The following GRID2 variants were observed in gnomAD, a reference collection of about 807,000 sequenced individuals.
GRID2 encodes glutamate ionotropic receptor delta type subunit 2.
GRID2 carries 33 observed loss-of-function variants against 114.8 expected under a neutral mutation model. The ratio of observed to expected loss-of-function variants is 0.29; its 90% CI spans 0.22 to 0.38. The LOEUF (loss-of-function observed/expected upper bound fraction) is 0.38, where lower values mean the gene tolerates loss of function less well. Ranked by LOEUF, GRID2 falls within the 10% of genes least tolerant of loss-of-function variation. The probability of loss-of-function intolerance (pLI) is 1.00; values close to 1 mark genes in which losing one functional copy is unlikely to be tolerated. For synonymous variants in GRID2, 505 were observed against 449.9 expected (o/e 1.12, Z -1.55); for missense variants, 1,184 against 1,257.7 (o/e 0.94, Z 0.89).
intron 13 of GRID2, among the ~76,000 whole-genome samples, chr4:93,528,152 C>CTA (rs776519190): frequency 1.2e-4 from 18 of 150,612 alleles, no homozygotes; most frequent in South Asian, 2.1e-4. Flanking sequence ...TATATATATG[C>CTA]TATATATATA....
chr4:92,424,393 G>A (rs946363719), intron 1 of GRID2, among the ~76,000 whole-genome samples: 3 of 151,970 alleles, frequency 2.0e-5, no homozygotes, highest in South Asian at 4.1e-4. Context: ...CCCTGTGATC[G>A]TAGTTGATAT....
intron 15 of GRID2, among the ~76,000 whole-genome samples, chr4:93,771,750 A>G (rs78570239): frequency 0.017 from 2,541 of 152,232 alleles, 77 homozygotes; most frequent in African/African-American, 0.058. Context: ...CATACTTTCT[A>G]TTGTTACAAT....
At chr4:93,294,215 C>T (rs1026036951) in intron 8 of GRID2, among the ~76,000 whole-genome samples, 138 of 150,204 alleles carry the variant, frequency 9.2e-4, no homozygotes, top group African/African-American at 3.0e-3. Context: ...CACAAAAAAA[C>T]GAAAAGATGA....
At chr4:92,360,330 C>T (rs1004335698) in intron 1 of GRID2, among the ~76,000 whole-genome samples, 1 of 151,924 alleles carries the variant, frequency 6.6e-6, no homozygotes, top group African/African-American at 2.4e-5. Flanking sequence ...CCCCACCACT[C>T]CTTGTCCTCT....
chr4:93,070,428 G>T (rs1304103444), intron 2 of GRID2, among the ~76,000 whole-genome samples: 2 of 152,024 alleles, frequency 1.3e-5, no homozygotes, highest in Non-Finnish European at 2.9e-5. Flanking sequence ...GATGGTAAAA[G>T]ATTACTTCCT....
intron 8 of GRID2, among the ~76,000 whole-genome samples, chr4:93,367,569 A>G (rs193142580): frequency 1.3e-5 from 2 of 152,316 alleles, no homozygotes; most frequent in East Asian, 3.9e-4. Context: ...CGAATAGGTT[A>G]ATACAGAGGA....
chr4:92,497,860 C>T (rs1306620981), intron 1 of GRID2, among the ~76,000 whole-genome samples: 1 of 151,702 alleles, frequency 6.6e-6, no homozygotes, highest in African/African-American at 2.4e-5. Flanking sequence ...AAGGATCGTG[C>T]CATATGTTTG....
chr4:93,781,333 G>A (rs1234263743), intron 1 of GRID2, among the ~76,000 whole-genome samples: 16 of 151,832 alleles, frequency 1.1e-4, no homozygotes, highest in South Asian at 2.1e-4. Flanking sequence ...ACTGGGCTGC[G>A]GTGAGGCCCA....
intron 13 of GRID2, among the ~76,000 whole-genome samples, chr4:93,577,966 TAC>T (rs1161675684): frequency 7.2e-5 from 11 of 152,320 alleles, no homozygotes; most frequent in African/African-American, 2.4e-4. Context: ...CCAAGAAAAT[TAC>T]AGAGGCAGAG....
In GRID2 at chr4:93,024,620, G is replaced by C. The variant is rs148268799; in HGVS notation, c.245-60375G>C. On this transcript the variant is annotated intron_variant, in intron 2 of 15. Coordinates refer to ENST00000282020, the MANE Select transcript of GRID2 (RefSeq NM_001510.4). ...TTTATATATTTTAAAGGTTACATTA[G>C]TTCTACAGTTTGGTGTGATGGTTTC... is the stretch of plus-strand genomic sequence containing the variant. 6.5e-3 allele frequency among the ~76,000 whole-genome samples: 989 copies of C among 151,768 alleles called. 7 individuals carry two copies. The highest frequency in any genetic ancestry group is 0.017 in the Middle Eastern group (5 of 294).
intron 2 of GRID2, among the ~76,000 whole-genome samples, chr4:92,678,268 T>C (rs934604833): frequency 6.6e-6 from 1 of 152,164 alleles, no homozygotes; most frequent in Non-Finnish European, 1.5e-5. Context: ...ATGTTACTTC[T>C]GTGTTTTATT....
chr4:93,123,935 G>C (rs1734023174), intron 4 of GRID2, among the ~76,000 whole-genome samples: 2 of 142,726 alleles, frequency 1.4e-5, no homozygotes, highest in South Asian at 4.5e-4. Flanking sequence ...GGAGTAGTTA[G>C]ACTGGACCTA....
intron 2 of GRID2, among the ~76,000 whole-genome samples, chr4:92,602,161 A>ATGAGG (rs1294721156): frequency 6.6e-6 from 1 of 151,514 alleles, no homozygotes. Context: ...AACTCATTTT[A>ATGAGG]TGAGGCCAGC....
chr4:92,501,720 G>A (rs753096178), intron 1 of GRID2, among the ~76,000 whole-genome samples: 9 of 152,054 alleles, frequency 5.9e-5, no homozygotes, highest in Middle Eastern at 3.2e-3. Flanking sequence ...CTACTAGGTC[G>A]GAGTGTACTA....
At chr4:92,434,213 G>C (rs955329408) in intron 1 of GRID2, among the ~76,000 whole-genome samples, 5 of 152,158 alleles carry the variant, frequency 3.3e-5, no homozygotes, top group African/African-American at 1.2e-4. Flanking sequence ...CGATTCCACA[G>C]TGGTTTTCAT....
intron 8 of GRID2, among the ~76,000 whole-genome samples, chr4:93,339,610 A>G (rs149755654): frequency 6.6e-6 from 1 of 152,152 alleles, no homozygotes; most frequent in Non-Finnish European, 1.5e-5. Context: ...AGTATGTGGT[A>G]CTTTGTTATA....
chr4:92,827,848 A>G (rs957742408), intron 2 of GRID2, among the ~76,000 whole-genome samples: 16 of 152,062 alleles, frequency 1.1e-4, no homozygotes, highest in Non-Finnish European at 1.5e-5. Flanking sequence ...TATTGCTGAC[A>G]GTTTTCTTTC....
intron 8 of GRID2, among the ~76,000 whole-genome samples, chr4:93,290,735 T>C (rs1753646739): frequency 6.6e-6 from 1 of 152,118 alleles, no homozygotes; most frequent in Admixed American, 6.5e-5. Context: ...TATTCTTGGC[T>C]TCTATCTTGG....
At chr4:93,126,868 A>T (rs1734327818) in intron 4 of GRID2, among the ~76,000 whole-genome samples, 1 of 152,046 alleles carries the variant, frequency 6.6e-6, no homozygotes, top group South Asian at 2.1e-4. Flanking sequence ...AAGTGCTGGG[A>T]TTACAGGCGT....
Sources: allele counts gnomAD v4.1 joint callset (sites outside exome capture counted in the v4.1 genomes callset), GRCh38; gene constraint gnomAD v4.1.1; transcripts MANE v1.5; gene names NCBI Gene and HGNC (gene_info 2026-07-23, HGNC 2026-07-21).